Variants in ODF2 observed in about 807,000 individuals in gnomAD.
ODF2 encodes the protein outer dense fiber of sperm tails 2.
ODF2 carries 47 observed loss-of-function variants against 110.2 expected under a neutral mutation model. The observed-to-expected ratio is 0.43, with a 90% confidence interval of 0.34 to 0.54. ODF2 has a LOEUF of 0.54. ODF2 is among the 20% of genes least tolerant of loss of function. ODF2 has a pLI of 0.03. For synonymous variants in ODF2, 352 were observed against 397.7 expected, an observed-to-expected ratio of 0.89 and a Z score of 1.37; for missense variants, 812 against 1,054.5, an observed-to-expected ratio of 0.77 and a Z score of 3.19.
At chr9:128,492,580 C>A in intron 15 of ODF2, 44 bp downstream of exon 15, 1 of 1,528,910 alleles carries the variant, frequency 6.5e-7, no homozygotes, top group Non-Finnish European at 9.0e-7. Flanking sequence ...AGTGCCCTCC[C>A]TGCCCCCATC....
rs146801126 is a variant in ODF2, at chr9:128,500,109, C to T, written c.2344C>T (p.Arg782Cys). Residue 782 changes from arginine (R) to cysteine (C), a missense_variant, in exon 21 of 21, where the codon CGC (arginine) becomes TGC (cysteine). Around this residue, in one of 5 missense-constraint regions of ODF2, gnomAD observed 234 missense variants for 245.3 expected, o/e 0.95. Coordinates refer to ENST00000604420, the Ensembl canonical transcript of ODF2. Reference sequence around the variant, plus strand: ...GAGCCGGCTGCAAGACCTGAAAGATCGCCTGGAGCAGTCCGAGAGCACCAA... The same window carrying T: ...GAGCCGGCTGCAAGACCTGAAAGATTGCCTGGAGCAGTCCGAGAGCACCAA... 1.1e-5 allele frequency: 18 copies of T among 1,614,148 alleles called. No homozygotes were observed. The East Asian group carries it at 2.4e-4, about 22-fold the overall frequency.
At chr9:128,489,421 T>C (rs1244577016) in intron 14 of ODF2, among the ~76,000 whole-genome samples, 2 of 152,230 alleles carry the variant, frequency 1.3e-5, no homozygotes, top group South Asian at 2.1e-4. Context: ...TTGTTACTAA[T>C]ACCCCTGTAA....
chr9:128,497,444 AAAATATATATATATATATAT>A lies in ODF2; in HGVS notation c.2013-967_2013-948del, dbSNP rs1778252462. The A allele has an allele frequency of 1.2e-4, 9 of 72,256 alleles. No homozygotes were observed. In the South Asian group the frequency reaches 2.3e-3, roughly 18 times the overall value. 4.5% of individuals were successfully genotyped at this position (72,256 alleles called of 1,614,324 possible). Reference sequence around the variant, plus strand: ...CTACTAAAAAAAAAAAAAAAAAAAAAAAATATATATATATATATATATATATATATATATATATATATGTA... The same window carrying A: ...CTACTAAAAAAAAAAAAAAAAAAAAAATATATATATATATATATATATGTA... On this transcript the variant is annotated intron_variant, in intron 18 of 20. Transcript: ENST00000604420.
Position 128,494,667 on chromosome 9 carries a change from G to A in ODF2, c.1910G>A (p.Arg637Gln), listed in dbSNP as rs547621600. The A allele has an allele frequency of 5.0e-6, 8 of 1,614,190 alleles. No homozygotes were observed. In the South Asian group the frequency reaches 5.5e-5, roughly 11 times the overall value. ...GCCATCATATCAGACCTGCGCAGCCGGGTAAGGGACTGGCAGAAAGGGTCC... is the reference window on the plus strand; with the variant it reads ...GCCATCATATCAGACCTGCGCAGCCAGGTAAGGGACTGGCAGAAAGGGTCC... Residue 637 changes from arginine (R) to glutamine (Q), a missense_variant and splice_region_variant, in exon 17 of 21, where the codon CGG becomes CAG. Arg to Gln is a conservative substitution (Grantham distance 43, BLOSUM62 1). Coordinates refer to ENST00000604420, the Ensembl canonical transcript of ODF2. This position sits in a 1 kb window ranked among gnomAD's most constrained non-coding sequence, Gnocchi z 4.6.
intron 8 of ODF2, among the ~76,000 whole-genome samples, chr9:128,476,094 C>A (rs1278140455): frequency 6.6e-6 from 1 of 151,740 alleles, no homozygotes; most frequent in East Asian, 1.9e-4. Flanking sequence ...TTGTGTATCT[C>A]TACTGCGTTT....
upstream of ODF2, chr9:128,455,328 G>A: frequency 9.8e-7 from 1 of 1,017,392 alleles, no homozygotes; most frequent in Non-Finnish European, 1.4e-6. Context: ...GAGGCGGGTG[G>A]ATCATGAGGT....
At chr9:128,476,071 C>A (rs1841196667) in intron 8 of ODF2, among the ~76,000 whole-genome samples, 1 of 119,396 alleles carries the variant, frequency 8.4e-6, no homozygotes, top group South Asian at 2.9e-4. Flanking sequence ...TTTGAAGGCT[C>A]AGTAGTATTC....
intron 14 of ODF2, among the ~76,000 whole-genome samples, chr9:128,488,735 G>T (rs1418329397): frequency 1.3e-5 from 2 of 152,186 alleles, no homozygotes; most frequent in African/African-American, 4.8e-5. Flanking sequence ...TAAGGGGCCG[G>T]GCTCACGTCT....
chr9:128,486,618 A>G (rs1351266831), intron 13 of ODF2, among the ~76,000 whole-genome samples: 1 of 152,362 alleles, frequency 6.6e-6, no homozygotes, highest in Non-Finnish European at 1.5e-5. Context: ...TTGAGGCCAC[A>G]GTCTCTGCTC....
At chr9:128,455,941 C>A (rs1363654187), upstream of ODF2, 118 of 1,403,320 alleles carry the variant, frequency 8.4e-5, no homozygotes, top group Admixed American at 2.5e-4. Flanking sequence ...CCCGGCCAGG[C>A]CCGCTGGACG....
intron 4 of ODF2, 152 bp from the exon 5 acceptor site, chr9:128,469,031 C>T: frequency 1.6e-6 from 1 of 621,710 alleles, no homozygotes. Context: ...GGTAATGTTC[C>T]ATCACAAGGG....
At chr9:128,456,860 C>T (rs755843017) in intron 1 of ODF2, 1 of 1,306,722 alleles carries the variant, frequency 7.7e-7, no homozygotes, top group South Asian at 1.9e-5. Context: ...CGTGCAACCT[C>T]CGCGCCTCCC....
intron 5 of ODF2, among the ~76,000 whole-genome samples, chr9:128,470,684 A>G (rs1381856503): frequency 6.6e-6 from 1 of 151,304 alleles, no homozygotes; most frequent in African/African-American, 2.4e-5. Context: ...CCTTTTTGTG[A>G]CATCTCTCCT....
chr9:128,469,101 C>A lies in ODF2; in HGVS notation c.250-82C>A, dbSNP rs1228820287. 10 of 1,368,442 alleles carry A rather than the reference C, an allele frequency of 7.3e-6. No homozygotes were observed. The East Asian group carries it at 2.1e-4, about 28-fold the overall frequency. The allele number at this position is 1,368,442 out of a possible 1,614,324, so 84.8% of individuals were successfully genotyped here. A position where few individuals can be genotyped will look rare whatever the true frequency, so the allele number is the denominator to read the frequency against. ...GCTGTTACAGCTTTTCCCGTCTAAT[C>A]AGTAAATAAGCCTCCAGTGGTGGAA... is the stretch of plus-strand genomic sequence containing the variant. On this transcript the variant is annotated intron_variant, in intron 4 of 20. Coordinates refer to ENST00000604420, the Ensembl canonical transcript of ODF2.
intron 13 of ODF2, among the ~76,000 whole-genome samples, chr9:128,486,366 A>T (rs182556488): frequency 2.0e-4 from 31 of 152,324 alleles, no homozygotes; most frequent in African/African-American, 7.2e-4. Context: ...AGAAGCATAC[A>T]TGGTACAGGG....
At chr9:128,481,776 A>C in intron 9 of ODF2, 125 bp downstream of exon 9, 1 of 663,148 alleles carries the variant, frequency 1.5e-6, no homozygotes, top group Non-Finnish European at 2.5e-6. Flanking sequence ...TCTTAGTTTC[A>C]CGATCTGTAA....
At chr9:128,493,069 T>A (rs1844926532) in intron 16 of ODF2, among the ~76,000 whole-genome samples, 1 of 151,886 alleles carries the variant, frequency 6.6e-6, no homozygotes, top group Non-Finnish European at 1.5e-5. Flanking sequence ...CCTTTTCAAT[T>A]TTCTTAAAAT....
intron 17 of ODF2, 51 bp from the exon 18 acceptor site, chr9:128,495,990 G>A: frequency 6.2e-7 from 1 of 1,605,354 alleles, no homozygotes; most frequent in Non-Finnish European, 8.5e-7. Context: ...AAAGGGGAGG[G>A]CTCTAGCGGG....
rs1457907273 is a variant in ODF2, at chr9:128,456,939, T to A, written c.-208-259T>A. 3.2e-6 allele frequency: 4 copies of A among 1,240,154 alleles called. No homozygotes were observed. In the East Asian group the frequency reaches 1.8e-4, roughly 55 times the overall value. The allele number at this position is 1,240,154 out of a possible 1,614,324, so 76.8% of individuals were successfully genotyped here. A position where few individuals can be genotyped will look rare whatever the true frequency, so the allele number is the denominator to read the frequency against. On this transcript the variant is annotated intron_variant, in intron 1 of 20. Coordinates refer to ENST00000604420, the Ensembl canonical transcript of ODF2. ...AACGCCCCTTCTCCTAGGAGACAGT[T>A]GTCCGGCCCCGCCCCAGCATCCCCG...
Sources: allele counts gnomAD v4.1 joint callset (sites outside exome capture counted in the v4.1 genomes callset), GRCh38; gene constraint gnomAD v4.1.1; regional missense constraint gnomAD v4.1.1; non-coding constraint Gnocchi (gnomAD v3.1); transcripts MANE v1.5; gene names NCBI Gene and HGNC (gene_info 2026-07-23, HGNC 2026-07-21).